Variants in ACOT7 observed in about 807,000 individuals in gnomAD.
ACOT7 encodes the protein acyl-CoA thioesterase 7, also known as cytosolic acyl coenzyme A thioester hydrolase.
Under a neutral mutation model 40.2 loss-of-function variants are expected in ACOT7, and 12 were observed. That is an observed-to-expected ratio of 0.30 (90% CI 0.19 to 0.48). ACOT7 has a LOEUF of 0.48. ACOT7 is among the 20% of genes least tolerant of loss of function. The pLI, the probability that ACOT7 is intolerant of heterozygous loss-of-function variation, is 0.99. For missense variants in ACOT7, 395 were observed against 530.8 expected (o/e 0.74, Z 2.51); for synonymous variants, 228 against 219.5 (o/e 1.04, Z -0.34).
chr1:6,358,837 G>A lies in ACOT7; in HGVS notation c.144-8971C>T. On this transcript the variant is annotated intron_variant, in intron 1 of 8. Coordinates refer to ENST00000361521, the MANE Select transcript of ACOT7 (RefSeq NM_007274.4). This position sits in a 1 kb window ranked among gnomAD's most constrained non-coding sequence, Gnocchi z 4.1. ...ATGACTGGCAGTACCTGCTCAGCTGGAAAGCCATGGTGGCTAGGACATCCC... is the reference window on the plus strand; with the variant it reads ...ATGACTGGCAGTACCTGCTCAGCTGAAAAGCCATGGTGGCTAGGACATCCC... 6.2e-7 allele frequency: 1 copy of A among 1,614,040 alleles called. No homozygotes were observed. Among genetic ancestry groups the A allele is most frequent in the Non-Finnish European group, 8.5e-7 (1 of 1,179,924 alleles).
chr1:6,274,517 C>A lies in ACOT7; in HGVS notation c.1014+6585G>T, dbSNP rs1219028672. Among the ~76,000 whole-genome samples, 1 of 152,222 alleles carries A rather than the reference C, an allele frequency of 6.6e-6. No individual in the cohort carries two copies. The highest frequency in any genetic ancestry group is 1.9e-4 in the East Asian group (1 of 5,196). ...CGGCTGGCGCGGGGCTTACCCGGCC[C>A]CTGCACTCATGCAGGTGAACCAGCT... On this transcript the variant is annotated intron_variant, in intron 8 of 8. Coordinates refer to ENST00000361521, the MANE Select transcript of ACOT7 (RefSeq NM_007274.4). This position sits in a 1 kb window ranked among gnomAD's most constrained non-coding sequence, Gnocchi z 5.9.
intron 1 of ACOT7, among the ~76,000 whole-genome samples, chr1:6,368,165 C>T (rs1236630585): frequency 6.6e-6 from 1 of 152,166 alleles, no homozygotes; most frequent in Non-Finnish European, 1.5e-5. Context: ...TCAGGCCCTC[C>T]CCAGTTTGAA....
chr1:6,344,531 C>T (rs1053992428), intron 2 of ACOT7, among the ~76,000 whole-genome samples: 1 of 152,018 alleles, frequency 6.6e-6, no homozygotes, highest in Non-Finnish European at 1.5e-5. Flanking sequence ...TTTAGGAGGC[C>T]GAGGCAGGTG....
intron 6 of ACOT7, among the ~76,000 whole-genome samples, chr1:6,313,180 C>T (rs1640388271): frequency 6.6e-6 from 1 of 152,210 alleles, no homozygotes; most frequent in Non-Finnish European, 1.5e-5. Flanking sequence ...GATGTCACTT[C>T]ACTTGGAAGA....
intron 6 of ACOT7, among the ~76,000 whole-genome samples, chr1:6,296,089 T>G (rs930730370): frequency 1.3e-5 from 2 of 152,022 alleles, no homozygotes; most frequent in Admixed American, 1.3e-4. Context: ...GTAGATGGGG[T>G]CTTGCTATGT....
chr1:6,296,239 G>C (rs1269994681), intron 6 of ACOT7, among the ~76,000 whole-genome samples: 4 of 152,216 alleles, frequency 2.6e-5, no homozygotes, highest in Non-Finnish European at 5.9e-5. Context: ...ATCATCGTCA[G>C]TACAGCTGTT....
intron 1 of ACOT7, among the ~76,000 whole-genome samples, chr1:6,380,410 C>G (rs936808011): frequency 4.6e-5 from 7 of 151,134 alleles, no homozygotes; most frequent in Non-Finnish European, 8.9e-5. Flanking sequence ...CCAGCCTGAC[C>G]GACATGGTGA....
At position 6,358,647 on chromosome 1, in the gene ACOT7, GGTCA is replaced by G. The variant is rs1641815637; in HGVS notation, c.144-8785_144-8782del. Among the ~76,000 whole-genome samples the G allele has an allele frequency of 2.0e-5, 3 of 152,306 alleles. 1 individual carries two copies. The highest frequency in any genetic ancestry group is 1.5e-5 in the Non-Finnish European group (1 of 68,018). On this transcript the variant is annotated intron_variant, in intron 1 of 8. Transcript: ENST00000361521. This position sits in a 1 kb window ranked among gnomAD's most constrained non-coding sequence, Gnocchi z 4.1. The stretch of plus-strand genomic sequence containing the variant: ...CTTCGGCTGACCACCTAATCTTGGG[GGTCA>G]GTAAGAGCCAGGCCAGGTGGGTGCC...
chr1:6,336,080 C>T (rs888537318), intron 3 of ACOT7, among the ~76,000 whole-genome samples: 4 of 152,180 alleles, frequency 2.6e-5, no homozygotes, highest in Admixed American at 2.0e-4. Context: ...GCTGCGGTGG[C>T]TTACGCCTGT....
At chr1:6,336,148 T>C (rs1442933944) in intron 3 of ACOT7, among the ~76,000 whole-genome samples, 1 of 151,970 alleles carries the variant, frequency 6.6e-6, no homozygotes, top group East Asian at 1.9e-4. Flanking sequence ...ATCGAGACCA[T>C]GCTGGCTAAC....
chr1:6,380,597 A>C (rs1642316211), intron 1 of ACOT7, among the ~76,000 whole-genome samples: 1 of 151,138 alleles, frequency 6.6e-6, no homozygotes, highest in African/African-American at 2.4e-5. Context: ...AAAAAAAAAA[A>C]AAAAACAAGA....
intron 5 of ACOT7, among the ~76,000 whole-genome samples, chr1:6,326,209 C>T (rs562029471): frequency 3.9e-5 from 6 of 152,294 alleles, no homozygotes; most frequent in East Asian, 1.9e-4. Flanking sequence ...CCTGCCACTA[C>T]GACAACATGA....
chr1:6,276,552 C>G lies in ACOT7; in HGVS notation c.1014+4550G>C, dbSNP rs376038469. ...GTCAGCCAGGCCCTGGGGAAGGGAG[C>G]TAAAAATAGACAGGAGGCTGAAGAA... On this transcript the variant is annotated intron_variant, in intron 8 of 8. Transcript: ENST00000361521. Among the ~76,000 whole-genome samples, 14 of 152,136 alleles carry G rather than the reference C, an allele frequency of 9.2e-5. No individual in the cohort carries two copies. The East Asian group carries it at 2.3e-3, about 25-fold the overall frequency.
chr1:6,316,070 C>T (rs991455451), intron 6 of ACOT7, among the ~76,000 whole-genome samples: 9 of 152,218 alleles, frequency 5.9e-5, no homozygotes, highest in African/African-American at 1.9e-4. Flanking sequence ...TAGACAGCGA[C>T]GACGGAAATG....
intron 6 of ACOT7, among the ~76,000 whole-genome samples, chr1:6,312,850 A>G (rs546654735): frequency 2.0e-5 from 3 of 152,166 alleles, no homozygotes; most frequent in African/African-American, 4.8e-5. Context: ...GTACCCAAAA[A>G]ATTTTTTAAA....
intron 2 of ACOT7, among the ~76,000 whole-genome samples, chr1:6,346,603 G>A (rs1025917189): frequency 5.9e-5 from 9 of 152,246 alleles, no homozygotes; most frequent in African/African-American, 2.2e-4. Flanking sequence ...GGCTTTGGGC[G>A]AAACAGGAGA....
At chr1:6,329,583 T>C (rs1452231479) in intron 4 of ACOT7, among the ~76,000 whole-genome samples, 2 of 151,670 alleles carry the variant, frequency 1.3e-5, no homozygotes, top group Non-Finnish European at 2.9e-5. Flanking sequence ...AGGGAAATGA[T>C]GGGGCCCAGT....
At position 6,387,937 on chromosome 1, in the gene ACOT7, T is replaced by G. The variant is rs541573255; in HGVS notation, c.143+5320A>C. On this transcript the variant is annotated intron_variant, in intron 1 of 8. Coordinates refer to ENST00000361521, the MANE Select transcript of ACOT7 (RefSeq NM_007274.4). ...GCTTCTGTAAATCAGGTTCTTTGTT[T>G]TTTTTTTTTTCTTTTTTTTTGAGAC... Among the ~76,000 whole-genome samples, 21 of 148,908 alleles carry G rather than the reference T, an allele frequency of 1.4e-4. No individual in the cohort carries two copies. The East Asian group carries it at 2.7e-3, about 19-fold the overall frequency.
Position 6,358,975 on chromosome 1 carries a change from C to A in ACOT7, c.144-9109G>T. On this transcript the variant is annotated intron_variant, in intron 1 of 8. Coordinates refer to ENST00000361521, the MANE Select transcript of ACOT7 (RefSeq NM_007274.4). This position sits in a 1 kb window ranked among gnomAD's most constrained non-coding sequence, Gnocchi z 4.1. ...CGGGCTTGGTGGGGAGCACCCCCCA[C>A]CCCCAGCTTCCTGAGCTGCCCAATC... is the stretch of plus-strand genomic sequence containing the variant. 1 of 1,451,918 alleles carries A rather than the reference C, an allele frequency of 6.9e-7. No homozygotes were observed. Among genetic ancestry groups the A allele is most frequent in the Non-Finnish European group, 9.2e-7 (1 of 1,086,448 alleles). 89.9% of individuals were successfully genotyped at this position (1,451,918 alleles called of 1,614,324 possible). A position where few individuals can be genotyped will look rare whatever the true frequency, so the allele number is the denominator to read the frequency against.
Sources: allele counts gnomAD v4.1 joint callset (sites outside exome capture counted in the v4.1 genomes callset), GRCh38; gene constraint gnomAD v4.1.1; non-coding constraint Gnocchi (gnomAD v3.1); transcripts MANE v1.5; gene names NCBI Gene and HGNC (gene_info 2026-07-23, HGNC 2026-07-21).